LRRC4C: variants seen among roughly 807,000 people sequenced by gnomAD.
LRRC4C encodes leucine rich repeat containing 4C.
In LRRC4C, 5 loss-of-function variants were observed where a neutral mutation model predicts 33.6. The observed-to-expected ratio is 0.15, with a 90% confidence interval of 0.08 to 0.31. The LOEUF is 0.31. Ranked by LOEUF, LRRC4C falls within the 10% of genes least tolerant of loss-of-function variation. The probability of loss-of-function intolerance (pLI) is 1.00; values close to 1 mark genes in which losing one functional copy is unlikely to be tolerated. For synonymous variants in LRRC4C, 329 were observed against 302.0 expected, an observed-to-expected ratio of 1.09 and a Z score of -0.93; for missense variants, 560 against 796.7, an observed-to-expected ratio of 0.70 and a Z score of 3.58.
chr11:40,670,878 C>G (rs1249064763), intron 2 of LRRC4C, among the ~76,000 whole-genome samples: 1 of 152,196 alleles, frequency 6.6e-6, no homozygotes, highest in East Asian at 1.9e-4. Context: ...ATTCTCCTGC[C>G]TCAGCCTCCC....
At position 41,309,740 on chromosome 11, in the gene LRRC4C, C is replaced by T. The variant is rs555517570; in HGVS notation, c.-496+149691G>A. On this transcript the variant is annotated intron_variant, in intron 1 of 6. Coordinates refer to ENST00000528697, the MANE Select transcript of LRRC4C (RefSeq NM_001258419.2). ...CCCTGCACACTTCAAAGCCTCAATT[C>T]CACGCTGAGCTCTTTCACTTTTAGC... Among the ~76,000 whole-genome samples the T allele has an allele frequency of 6.1e-4, 93 of 152,308 alleles. 1 individual carries two copies. The highest frequency in any genetic ancestry group is 6.9e-4 in the Non-Finnish European group (47 of 68,032).
chr11:40,510,697 C>A (rs1955270635), intron 3 of LRRC4C, among the ~76,000 whole-genome samples: 1 of 152,052 alleles, frequency 6.6e-6, no homozygotes, highest in South Asian at 2.1e-4. Flanking sequence ...AATGTGAGTG[C>A]TTGAAATCTG....
chr11:40,572,959 ATT>A (rs1958043043), intron 3 of LRRC4C, among the ~76,000 whole-genome samples: 1 of 152,156 alleles, frequency 6.6e-6, no homozygotes, highest in African/African-American at 2.4e-5. Context: ...ACCCAAATTT[ATT>A]TTGTCTTCTG....
intron 2 of LRRC4C, among the ~76,000 whole-genome samples, chr11:40,698,609 TAA>T (rs1296053608): frequency 2.0e-5 from 3 of 152,004 alleles, no homozygotes; most frequent in Non-Finnish European, 4.4e-5. Context: ...GGAAGAAAAT[TAA>T]AAAGTCAAAA....
intron 1 of LRRC4C, among the ~76,000 whole-genome samples, chr11:41,041,560 T>C (rs1336307885): frequency 6.6e-6 from 1 of 152,148 alleles, no homozygotes; most frequent in African/African-American, 2.4e-5. Flanking sequence ...ATACATTATG[T>C]CACATTATCA....
intron 3 of LRRC4C, among the ~76,000 whole-genome samples, chr11:40,520,791 T>C (rs1955777863): frequency 6.6e-6 from 1 of 152,170 alleles, no homozygotes; most frequent in Admixed American, 6.5e-5. Flanking sequence ...ATCTTTGATG[T>C]GCAATAAAGC....
chr11:40,474,676 T>C (rs1457344231), intron 3 of LRRC4C, among the ~76,000 whole-genome samples: 7 of 152,200 alleles, frequency 4.6e-5, no homozygotes, highest in African/African-American at 1.7e-4. Context: ...ATTTTTGCAA[T>C]TTATTCATCT....
chr11:41,441,398 G>A (rs988772583), intron 1 of LRRC4C, among the ~76,000 whole-genome samples: 3 of 152,014 alleles, frequency 2.0e-5, no homozygotes, highest in Non-Finnish European at 4.4e-5. Context: ...TGGATATGAG[G>A]CATATGGAGA....
At chr11:40,387,153 C>G (rs1949143772) in intron 3 of LRRC4C, among the ~76,000 whole-genome samples, 1 of 151,956 alleles carries the variant, frequency 6.6e-6, no homozygotes, top group South Asian at 2.1e-4. Flanking sequence ...TTCTTATTTT[C>G]TCTTCTAACT....
At chr11:40,774,139 A>G (rs947767721) in intron 2 of LRRC4C, among the ~76,000 whole-genome samples, 5 of 152,124 alleles carry the variant, frequency 3.3e-5, no homozygotes, top group South Asian at 2.1e-4. Flanking sequence ...TTCACTTAGC[A>G]TAATATCTTC....
intron 2 of LRRC4C, among the ~76,000 whole-genome samples, chr11:40,657,433 C>T (rs1943183242): frequency 6.6e-6 from 1 of 152,130 alleles, no homozygotes; most frequent in Non-Finnish European, 1.5e-5. Flanking sequence ...CCCAAAATGA[C>T]TAAACTGAAA....
At chr11:40,198,659 G>A (rs923302005) in intron 5 of LRRC4C, among the ~76,000 whole-genome samples, 7 of 152,122 alleles carry the variant, frequency 4.6e-5, no homozygotes, top group South Asian at 2.1e-4. Context: ...GCACCCATCC[G>A]TGCCCATAGG....
At chr11:41,364,894 A>G (rs913032248) in intron 1 of LRRC4C, among the ~76,000 whole-genome samples, 9 of 152,156 alleles carry the variant, frequency 5.9e-5, no homozygotes, top group African/African-American at 1.2e-4. Flanking sequence ...GCTGATATCT[A>G]AGGCGGAAAT....
intron 5 of LRRC4C, among the ~76,000 whole-genome samples, chr11:40,182,840 C>A (rs892866056): frequency 1.5e-4 from 23 of 152,160 alleles, no homozygotes; most frequent in Non-Finnish European, 1.5e-5. Flanking sequence ...ATATACTGAA[C>A]TCTTATCATG....
chr11:41,261,332 T>A (rs1948975895), intron 1 of LRRC4C, among the ~76,000 whole-genome samples: 1 of 152,130 alleles, frequency 6.6e-6, no homozygotes. Context: ...AGAATAAATT[T>A]TTATTATTTA....
chr11:40,990,544 G>A (rs1422875667), intron 1 of LRRC4C, among the ~76,000 whole-genome samples: 1 of 151,792 alleles, frequency 6.6e-6, no homozygotes, highest in African/African-American at 2.4e-5. Flanking sequence ...CATAATTAAT[G>A]GAACACTAGG....
chr11:40,690,505 A>C (rs902226999), intron 2 of LRRC4C, among the ~76,000 whole-genome samples: 7 of 152,106 alleles, frequency 4.6e-5, no homozygotes, highest in African/African-American at 1.7e-4. Flanking sequence ...TTATAGGCGA[A>C]AAAACAGAAA....
At chr11:40,628,294 G>A (rs1963144992) in intron 3 of LRRC4C, among the ~76,000 whole-genome samples, 1 of 151,972 alleles carries the variant, frequency 6.6e-6, no homozygotes, top group Non-Finnish European at 1.5e-5. Context: ...TGGCTAACAC[G>A]GTGAAACCCC....
intron 1 of LRRC4C, among the ~76,000 whole-genome samples, chr11:41,041,099 G>A (rs1857405343): frequency 6.6e-6 from 1 of 152,130 alleles, no homozygotes; most frequent in Non-Finnish European, 1.5e-5. Flanking sequence ...TTTTAAGAAA[G>A]GAGAACCATC....
Sources: gnomAD v4.1 joint callset for allele counts (sites outside exome capture counted in the v4.1 genomes callset) on GRCh38, gnomAD v4.1.1 for gene constraint, MANE v1.5 for transcripts, NCBI Gene and HGNC (gene_info 2026-07-23, HGNC 2026-07-21) for gene names.